The following HNRNPC variants were observed in gnomAD, a reference collection of about 807,000 sequenced individuals.
HNRNPC encodes heterogeneous nuclear ribonucleoproteins C1/C2.
Under a neutral mutation model 33.2 loss-of-function variants are expected in HNRNPC, and 3 were observed. The ratio of observed to expected loss-of-function variants is 0.09; its 90% CI spans 0.04 to 0.23. HNRNPC has a LOEUF of 0.23. Ranked by LOEUF, HNRNPC falls within the 10% of genes least tolerant of loss-of-function variation. HNRNPC has a pLI of 1.00. For synonymous variants in HNRNPC, 121 were observed against 126.7 expected (o/e 0.96, Z 0.30); for missense variants, 143 against 366.7 (o/e 0.39, Z 4.98).
At chr14:21,263,182 TATCATC>T (rs1012215244) in intron 2 of HNRNPC, 123 bp downstream of exon 2, 1 of 152,216 alleles carries the variant, frequency 6.6e-6, no homozygotes, top group South Asian at 2.1e-4. Flanking sequence ...TCAGTGTCAT[TATCATC>T]ATCATCATCA....
intron 2 of HNRNPC, among the ~76,000 whole-genome samples, chr14:21,244,340 T>C (rs1895704460): frequency 6.6e-6 from 1 of 152,212 alleles, no homozygotes; most frequent in Non-Finnish European, 1.5e-5. Flanking sequence ...TCAAAATTGT[T>C]TCCTTTCAAT....
At chr14:21,231,255 T>C in intron 3 of HNRNPC, 183 bp from the exon 4 acceptor site, 1 of 686,662 alleles carries the variant, frequency 1.5e-6, no homozygotes, top group Admixed American at 2.0e-5. Context: ...TGCCTCAGCC[T>C]CGAGAGTAAC....
intron 5 of HNRNPC, among the ~76,000 whole-genome samples, chr14:21,219,099 ACT>A (rs1323349805): frequency 1.5e-5 from 2 of 131,468 alleles, no homozygotes; most frequent in Non-Finnish European, 1.6e-5. Context: ...ACAGAGCGAG[ACT>A]CTTTCTCAAA....
intron 2 of HNRNPC, among the ~76,000 whole-genome samples, chr14:21,242,520 A>G (rs1194274171): frequency 1.3e-5 from 2 of 152,260 alleles, no homozygotes; most frequent in Non-Finnish European, 2.9e-5. Context: ...AAATTTATTT[A>G]CATTGGTGAG....
intron 2 of HNRNPC, among the ~76,000 whole-genome samples, chr14:21,243,303 C>T (rs1450009616): frequency 8.5e-5 from 13 of 152,136 alleles, no homozygotes; most frequent in Middle Eastern, 3.4e-3. Context: ...AACTTCAGTG[C>T]GTATCATGTT....
chr14:21,214,197 T>C (rs1046141387), intron 5 of HNRNPC, among the ~76,000 whole-genome samples: 2 of 152,200 alleles, frequency 1.3e-5, no homozygotes, highest in Non-Finnish European at 2.9e-5. Context: ...TACCAACTGT[T>C]CTAACTCCAA....
intron 2 of HNRNPC, among the ~76,000 whole-genome samples, chr14:21,253,164 C>T (rs1566638086): frequency 1.5e-5 from 2 of 130,088 alleles, no homozygotes; most frequent in Non-Finnish European, 3.2e-5. Flanking sequence ...CAGAGCAAGA[C>T]TCTGTCTTTA....
chr14:21,212,908 C>A, intron 6 of HNRNPC, 52 bp downstream of exon 6: 1 of 1,596,576 alleles, frequency 6.3e-7, no homozygotes, highest in African/African-American at 1.3e-5. Context: ...CATTAGCTTC[C>A]CTATCTCAAA....
chr14:21,243,486 T>C (rs1895604208), intron 2 of HNRNPC, among the ~76,000 whole-genome samples: 1 of 152,216 alleles, frequency 6.6e-6, no homozygotes, highest in Non-Finnish European at 1.5e-5. Context: ...GATTCAAAAA[T>C]GATATACACC....
At chr14:21,229,085 TAAAAAAAA>T (rs56112804) in intron 5 of HNRNPC, among the ~76,000 whole-genome samples, 11 of 107,848 alleles carry the variant, frequency 1.0e-4, no homozygotes, top group African/African-American at 3.9e-4. Context: ...ATTCCGTATT[TAAAAAAAA>T]AAAAAAAAAA....
intron 2 of HNRNPC, among the ~76,000 whole-genome samples, chr14:21,247,593 AT>A (rs1490751205): frequency 1.3e-5 from 2 of 152,184 alleles, no homozygotes; most frequent in African/African-American, 2.4e-5. Context: ...GTTTAAAAAA[AT>A]AAATCAAAAT....
intron 2 of HNRNPC, among the ~76,000 whole-genome samples, chr14:21,240,510 C>A (rs553788986): frequency 6.6e-6 from 1 of 152,228 alleles, no homozygotes; most frequent in African/African-American, 2.4e-5. Flanking sequence ...AGATTTTTTA[C>A]ATAAATAAAG....
chr14:21,267,656 A>G (rs951272904), intron 1 of HNRNPC, among the ~76,000 whole-genome samples: 1 of 152,178 alleles, frequency 6.6e-6, no homozygotes, highest in African/African-American at 2.4e-5. Flanking sequence ...ACACACCTAG[A>G]ATTGTGATAT....
At chr14:21,256,071 TG>T (rs1291294251) in intron 2 of HNRNPC, among the ~76,000 whole-genome samples, 3 of 151,958 alleles carry the variant, frequency 2.0e-5, no homozygotes, top group African/African-American at 7.3e-5. Context: ...ACAAATCACG[TG>T]GGATGCCCTG....
At chr14:21,238,507 C>G (rs1227064357) in intron 2 of HNRNPC, among the ~76,000 whole-genome samples, 2 of 152,112 alleles carry the variant, frequency 1.3e-5, no homozygotes, top group African/African-American at 4.8e-5. Flanking sequence ...TACATACAAG[C>G]TTGGGATTTC....
chr14:21,217,673 T>C (rs1892338840), intron 5 of HNRNPC, among the ~76,000 whole-genome samples: 1 of 152,234 alleles, frequency 6.6e-6, no homozygotes, highest in Non-Finnish European at 1.5e-5. Flanking sequence ...ATTGGTTCTG[T>C]AATATTCTAT....
At chr14:21,268,672 C>A (rs1242664437) in intron 1 of HNRNPC, 1 of 152,110 alleles carries the variant, frequency 6.6e-6, no homozygotes, top group African/African-American at 2.4e-5. Flanking sequence ...TTGTAACCTG[C>A]AGATGAAAAG....
At chr14:21,216,756 T>G (rs1332792115) in intron 5 of HNRNPC, among the ~76,000 whole-genome samples, 2 of 152,086 alleles carry the variant, frequency 1.3e-5, no homozygotes, top group Non-Finnish European at 2.9e-5. Flanking sequence ...CCATTCTATC[T>G]CCAGTAAATA....
chr14:21,243,162 A>C (rs1309253842), intron 2 of HNRNPC, among the ~76,000 whole-genome samples: 1 of 152,178 alleles, frequency 6.6e-6, no homozygotes. Context: ...TGGGCAAAAG[A>C]GACATTTTTA....
Sources: gnomAD v4.1 joint callset for allele counts (sites outside exome capture counted in the v4.1 genomes callset) on GRCh38, gnomAD v4.1.1 for gene constraint, MANE v1.5 for transcripts, NCBI Gene and HGNC (gene_info 2026-07-23, HGNC 2026-07-21) for gene names.